Variants in PCDHA1 observed in about 807,000 individuals in gnomAD.
PCDHA1 encodes protocadherin alpha-1.
In PCDHA1, 42 loss-of-function variants were observed where a neutral mutation model predicts 61.3. The observed-to-expected ratio is 0.69, with a 90% CI of 0.54 to 0.89. The LOEUF (loss-of-function observed/expected upper bound fraction) is 0.89. Ranked by LOEUF, PCDHA1 falls within the 40% of genes least tolerant of loss-of-function variation. PCDHA1 has a pLI of 0.00. For missense variants in PCDHA1, 1,256 were observed against 1,235.3 expected (o/e 1.02, Z -0.25); for synonymous variants, 610 against 553.8 (o/e 1.10, Z -1.43).
chr5:140,875,351 G>C, intron 1 of PCDHA1: 1 of 1,445,562 alleles, frequency 6.9e-7, no homozygotes, highest in Non-Finnish European at 9.1e-7. Context: ...CATAATGACT[G>C]TGATGCTGGA....
At chr5:140,969,297 T>C in intron 1 of PCDHA1, 2 of 1,614,200 alleles carry the variant, frequency 1.2e-6, no homozygotes, top group Non-Finnish European at 1.7e-6. Context: ...GGGAACCTGA[T>C]TATTCTCAAA....
rs146492633 is a variant in PCDHA1 at position 140,900,696 on chromosome 5, G to A, written c.2395-78253G>A. Among the ~76,000 whole-genome samples the A allele has an allele frequency of 2.2e-4, 33 of 152,256 alleles. No homozygotes were observed. The East Asian group carries it at 5.8e-3, about 27-fold the overall frequency. ...TTATCTCTTCAATATACTGATTTCC[G>A]TTCTTTTGGAAAGAAAGGAAATCCT... is the stretch of plus-strand genomic sequence containing the variant. On this transcript the variant is annotated intron_variant, in intron 1 of 3. Transcript: ENST00000504120.
chr5:140,794,121 C>T (rs868974412), intron 1 of PCDHA1, among the ~76,000 whole-genome samples: 5 of 152,276 alleles, frequency 3.3e-5, no homozygotes, highest in Admixed American at 1.3e-4. Flanking sequence ...ACTCAAATGT[C>T]CACGAATACT....
intron 1 of PCDHA1, chr5:140,876,970 G>T (rs1554169165): frequency 6.2e-7 from 1 of 1,612,850 alleles, no homozygotes; most frequent in East Asian, 2.2e-5. Flanking sequence ...GCGGCGGGTG[G>T]GCGAGCACGC....
intron 1 of PCDHA1, chr5:140,968,070 A>T: frequency 6.2e-7 from 1 of 1,614,152 alleles, no homozygotes; most frequent in Non-Finnish European, 8.5e-7. Context: ...GTGGCTGTCT[A>T]CAACATCACG....
chr5:140,897,311 C>T (rs1460942002), intron 1 of PCDHA1, among the ~76,000 whole-genome samples: 7 of 150,308 alleles, frequency 4.7e-5, no homozygotes, highest in Non-Finnish European at 7.4e-5. Context: ...TTAGGTATAT[C>T]TCCTAAAGCT....
chr5:140,938,124 A>G (rs2091929948), intron 1 of PCDHA1, among the ~76,000 whole-genome samples: 1 of 152,076 alleles, frequency 6.6e-6, no homozygotes, highest in South Asian at 2.1e-4. Flanking sequence ...TTTTTTTAAA[A>G]AAATAGAGAT....
Position 140,850,778 on chromosome 5 carries a change from C to T in PCDHA1, c.2394+62094C>T, listed in dbSNP as rs2150497829. On this transcript the variant is annotated intron_variant, in intron 1 of 3. Coordinates refer to ENST00000504120, the MANE Select transcript of PCDHA1 (RefSeq NM_018900.4). ...AGAGGAGGCAGAGGGTGTGCTCTGGCGAGGGTAAGCAGAAGACCGACCTCA... is the reference window on the plus strand; with the variant it reads ...AGAGGAGGCAGAGGGTGTGCTCTGGTGAGGGTAAGCAGAAGACCGACCTCA... 6 of 1,597,938 alleles carry T rather than the reference C, an allele frequency of 3.8e-6. No individual in the cohort carries two copies. The East Asian group carries it at 1.1e-4, about 30-fold the overall frequency.
intron 3 of PCDHA1, among the ~76,000 whole-genome samples, chr5:140,996,316 A>C (rs2153939037): frequency 6.6e-6 from 1 of 152,250 alleles, no homozygotes; most frequent in African/African-American, 2.4e-5. Context: ...GTAAGGGGGG[A>C]GGGTAGAGAA....
At chr5:140,915,766 T>G (rs2077298451) in intron 1 of PCDHA1, among the ~76,000 whole-genome samples, 1 of 151,974 alleles carries the variant, frequency 6.6e-6, no homozygotes, top group African/African-American at 2.4e-5. Context: ...CTGGGTCTTG[T>G]CCAAGGCCTG....
At chr5:140,952,960 T>C (rs1195156838) in intron 1 of PCDHA1, among the ~76,000 whole-genome samples, 3 of 151,932 alleles carry the variant, frequency 2.0e-5, no homozygotes, top group Non-Finnish European at 4.4e-5. Flanking sequence ...GGGGAAGTGA[T>C]ACACACTTTT....
intron 1 of PCDHA1, among the ~76,000 whole-genome samples, chr5:140,843,972 G>T (rs1779162813): frequency 6.7e-6 from 1 of 149,122 alleles, no homozygotes; most frequent in Non-Finnish European, 1.5e-5. Flanking sequence ...ATTTATTTTG[G>T]CCTGCCTTAC....
intron 1 of PCDHA1, chr5:140,830,513 A>C: frequency 7.2e-7 from 1 of 1,380,444 alleles, no homozygotes; most frequent in Non-Finnish European, 9.6e-7. Context: ...ATTAACAGTT[A>C]ATTTTTATTT....
chr5:140,869,086 A>G (rs1554162467), intron 1 of PCDHA1: 1 of 1,584,176 alleles, frequency 6.3e-7, no homozygotes, highest in African/African-American at 1.4e-5. Context: ...CTTATTTTGG[A>G]AGCCAATTTC....
At chr5:140,894,652 A>G (rs578187402) in intron 1 of PCDHA1, among the ~76,000 whole-genome samples, 234 of 151,944 alleles carry the variant, frequency 1.5e-3, no homozygotes, top group African/African-American at 4.9e-3. Flanking sequence ...GAGTCTCTCT[A>G]ATTCTGATTT....
intron 1 of PCDHA1, among the ~76,000 whole-genome samples, chr5:140,965,496 AT>A (rs71766133): frequency 0.14 from 20,233 of 145,920 alleles, 1,374 homozygotes; most frequent in Middle Eastern, 0.21. Flanking sequence ...ATGACAGCAG[AT>A]TTTTTTTTTT....
At chr5:140,888,843 G>T (rs2153425504) in intron 1 of PCDHA1, among the ~76,000 whole-genome samples, 1 of 152,082 alleles carries the variant, frequency 6.6e-6, no homozygotes, top group East Asian at 1.9e-4. Context: ...ACTGCAGCCT[G>T]GTGACAGAGT....
intron 1 of PCDHA1, chr5:140,802,781 A>G (rs782055202): frequency 1.5e-5 from 25 of 1,613,106 alleles, no homozygotes; most frequent in Non-Finnish European, 1.9e-5. Context: ...ACGAGGAGCT[A>G]GAGCTGCTGC....
At chr5:140,926,470 GT>G (rs1204371892) in intron 1 of PCDHA1, 7 of 162,858 alleles carry the variant, frequency 4.3e-5, no homozygotes, top group Non-Finnish European at 9.2e-5. Context: ...AGAAAACACC[GT>G]TTAAGGAGAG....
Sources: gnomAD v4.1 joint callset for allele counts (sites outside exome capture counted in the v4.1 genomes callset) on GRCh38, gnomAD v4.1.1 for gene constraint, MANE v1.5 for transcripts, NCBI Gene and HGNC (gene_info 2026-07-23, HGNC 2026-07-21) for gene names.